ROR2: variants seen among roughly 807,000 people sequenced by gnomAD.
ROR2 encodes tyrosine-protein kinase transmembrane receptor ROR2.
Under a neutral mutation model 74.9 loss-of-function variants are expected in ROR2, and 33 were observed. That is an observed-to-expected ratio of 0.44 (90% CI 0.33 to 0.59). ROR2 has a LOEUF of 0.59. ROR2 is among the 20% of genes least tolerant of loss of function. ROR2 has a pLI of 0.02. For synonymous variants in ROR2, 586 were observed against 558.7 expected (o/e 1.05, Z -0.69); for missense variants, 1,216 against 1,313.8 (o/e 0.93, Z 1.15).
intron 1 of ROR2, among the ~76,000 whole-genome samples, chr9:91,921,370 G>A (rs915976682): frequency 4.6e-5 from 7 of 152,050 alleles, no homozygotes; most frequent in South Asian, 2.1e-4. Flanking sequence ...ATATATACAC[G>A]TATACACACA....
At chr9:91,873,123 T>C (rs1019931718) in intron 1 of ROR2, among the ~76,000 whole-genome samples, 2 of 152,222 alleles carry the variant, frequency 1.3e-5, no homozygotes, top group Non-Finnish European at 2.9e-5. Context: ...CCGGCTTGCT[T>C]TTCCGGATAC....
chr9:91,918,054 G>C (rs1366494633), intron 1 of ROR2, among the ~76,000 whole-genome samples: 1 of 152,114 alleles, frequency 6.6e-6, no homozygotes, highest in Non-Finnish European at 1.5e-5. Context: ...GGCGGATCAC[G>C]AGGTCAGGAG....
At chr9:91,795,653 C>T (rs1037190004) in intron 1 of ROR2, among the ~76,000 whole-genome samples, 3 of 152,078 alleles carry the variant, frequency 2.0e-5, no homozygotes, top group Non-Finnish European at 4.4e-5. Flanking sequence ...TGGTTGTTTC[C>T]GAGCTTTTCC....
chr9:91,734,463 T>G (rs2118709996), intron 5 of ROR2, among the ~76,000 whole-genome samples: 1 of 152,308 alleles, frequency 6.6e-6, no homozygotes, highest in Middle Eastern at 3.4e-3. Flanking sequence ...ATTACAGATT[T>G]GGCGATTATT....
chr9:91,922,682 T>A (rs879622864), intron 1 of ROR2, among the ~76,000 whole-genome samples: 2 of 152,202 alleles, frequency 1.3e-5, no homozygotes, highest in Non-Finnish European at 2.9e-5. Context: ...CTCGATCTCC[T>A]GACCTCGTGA....
chr9:91,736,296 G>A (rs995223177), intron 5 of ROR2, among the ~76,000 whole-genome samples: 22 of 152,280 alleles, frequency 1.4e-4, no homozygotes, highest in African/African-American at 5.3e-4. Context: ...TTCTGTGACC[G>A]TGAATGTGAT....
intron 1 of ROR2, among the ~76,000 whole-genome samples, chr9:91,930,465 T>TA (rs1480533620): frequency 3.3e-5 from 5 of 152,312 alleles, no homozygotes; most frequent in East Asian, 3.8e-4. Context: ...GCATTAGGGA[T>TA]AAAAACCCCT....
chr9:91,939,250 A>T (rs923327568), intron 1 of ROR2, among the ~76,000 whole-genome samples: 1 of 149,058 alleles, frequency 6.7e-6, no homozygotes, highest in Non-Finnish European at 1.5e-5. Flanking sequence ...CTCCATCTCA[A>T]AAAAAAAAAA....
intron 1 of ROR2, among the ~76,000 whole-genome samples, chr9:91,787,382 G>A (rs1826837378): frequency 6.6e-6 from 1 of 152,074 alleles, no homozygotes; most frequent in Non-Finnish European, 1.5e-5. Flanking sequence ...GTGGTGGTGG[G>A]TGCCTGTAAT....
intron 1 of ROR2, among the ~76,000 whole-genome samples, chr9:91,878,806 A>G (rs552915998): frequency 1.1e-3 from 161 of 152,336 alleles, no homozygotes; most frequent in African/African-American, 3.7e-3. Context: ...GGCCGGGCGC[A>G]GTGGCTCACG....
At chr9:91,896,529 T>C (rs965985339) in intron 1 of ROR2, among the ~76,000 whole-genome samples, 1 of 152,214 alleles carries the variant, frequency 6.6e-6, no homozygotes, top group Admixed American at 6.5e-5. Flanking sequence ...GACAGTTTCT[T>C]ATACCTCAAA....
chr9:91,925,634 AC>A (rs1366747772), intron 1 of ROR2, among the ~76,000 whole-genome samples: 1 of 152,150 alleles, frequency 6.6e-6, no homozygotes, highest in East Asian at 1.9e-4. Context: ...ACATGCACAC[AC>A]CTAAGTTTCT....
chr9:91,905,174 A>C lies in ROR2; in HGVS notation c.97+44693T>G, dbSNP rs1336862413. On this transcript the variant is annotated intron_variant, in intron 1 of 8. Coordinates refer to ENST00000375708, the MANE Select transcript of ROR2 (RefSeq NM_004560.4). The surrounding 1 kb of genome is among the most constrained non-coding windows in gnomAD (Gnocchi z 5.3). The stretch of plus-strand genomic sequence containing the variant: ...ACACATGCAAGACACACCACACAAC[A>C]CATACCATACACAACACATACACAA... Among the ~76,000 whole-genome samples the C allele has an allele frequency of 1.3e-5, 2 of 151,970 alleles. No individual in the cohort carries two copies. Among genetic ancestry groups the C allele is most frequent in the Non-Finnish European group, 2.9e-5 (2 of 67,976 alleles).
At chr9:91,764,558 T>TCA (rs1826004375) in intron 2 of ROR2, among the ~76,000 whole-genome samples, 3 of 115,790 alleles carry the variant, frequency 2.6e-5, no homozygotes, top group African/African-American at 1.1e-4. Flanking sequence ...CTATAATCAC[T>TCA]TACACACACA....
In ROR2 at chr9:91,730,970, G is replaced by A. The variant is rs1837221315; in HGVS notation, c.1123C>T (p.Pro375Ser). Residue 375 changes from proline (P) to serine (S), a missense_variant, in exon 7 of 9, where the codon CCC (proline) becomes TCC (serine). Coordinates refer to ENST00000375708, the MANE Select transcript of ROR2 (RefSeq NM_004560.4). ...TTTTTATTCTGCGTAAAGCACCAGG[G>A]GCCCTCCATCTGGCCTCCGGGGTTC... The part of the protein sequence containing the change: ...CRNPGGQMEG[P>S]WCFTQNKNVR... 6.2e-7 allele frequency: 1 copy of A among 1,614,002 alleles called. No individual in the cohort carries two copies. Among genetic ancestry groups the A allele is most frequent in the Non-Finnish European group, 8.5e-7 (1 of 1,180,020 alleles).
intron 1 of ROR2, among the ~76,000 whole-genome samples, chr9:91,933,378 TA>T (rs1050933333): frequency 0.015 from 2,273 of 148,258 alleles, 65 homozygotes; most frequent in African/African-American, 0.047. Context: ...CTCACAGAGT[TA>T]AAAAAAAAAA....
chr9:91,901,877 T>TAA, intron 1 of ROR2, among the ~76,000 whole-genome samples: 1 of 151,770 alleles, frequency 6.6e-6, no homozygotes, highest in Non-Finnish European at 1.5e-5. Context: ...TTTCCATAGC[T>TAA]ACTGTGTGAG....
Position 91,838,807 on chromosome 9 carries a change from A to G in ROR2, c.98-62989T>C, listed in dbSNP as rs1351466593. On this transcript the variant is annotated intron_variant, in intron 1 of 8. Transcript: ENST00000375708. ...GACAGATGTTATGAGTTATCGTGAA[A>G]CCCAGCATTCATAAAAGCAGTGCTC... Among the ~76,000 whole-genome samples the G allele has an allele frequency of 2.0e-5, 3 of 152,206 alleles. No homozygotes were observed. The East Asian group carries it at 5.8e-4, about 29-fold the overall frequency.
chr9:91,747,967 A>G (rs775872927), intron 4 of ROR2, among the ~76,000 whole-genome samples: 9 of 152,340 alleles, frequency 5.9e-5, no homozygotes, highest in Middle Eastern at 3.4e-3. Context: ...ACAAAATTTC[A>G]GTTAGAAGGA....
Sources: allele counts gnomAD v4.1 joint callset (sites outside exome capture counted in the v4.1 genomes callset), GRCh38; gene constraint gnomAD v4.1.1; non-coding constraint Gnocchi (gnomAD v3.1); transcripts MANE v1.5; gene names NCBI Gene and HGNC (gene_info 2026-07-23, HGNC 2026-07-21).